The following DNM3 variants were observed in gnomAD, a reference collection of about 807,000 sequenced individuals.
DNM3 encodes dynamin-3.
In DNM3, 47 loss-of-function variants were observed where a neutral mutation model predicts 101.6. The ratio of observed to expected loss-of-function variants is 0.46; its 90% CI spans 0.37 to 0.59. The LOEUF is 0.59. DNM3 is among the 20% of genes least tolerant of loss of function. The pLI is 0.00. For synonymous variants in DNM3, 385 were observed against 387.9 expected (o/e 0.99, Z 0.09); for missense variants, 849 against 1,085.7 (o/e 0.78, Z 3.06).
At chr1:172,162,153 T>C (rs2058568333) in intron 14 of DNM3, among the ~76,000 whole-genome samples, 1 of 152,090 alleles carries the variant, frequency 6.6e-6, no homozygotes, top group South Asian at 2.1e-4. Flanking sequence ...AACATAGGAA[T>C]ATGTGCTATT....
Position 172,038,425 on chromosome 1 carries a change from CAGA to C in DNM3, c.960_962del (p.Glu320del). ...GTAGAAGCCTACAAAAATTTCAAACCAGAAGACCCAACAAGGAAGACCAAAGCA... is the reference window on the plus strand; with the variant it reads ...GTAGAAGCCTACAAAAATTTCAAACCAGACCCAACAAGGAAGACCAAAGCA... On this transcript the variant is annotated inframe_deletion, in exon 7 of 21. Coordinates refer to ENST00000627582, the MANE Select transcript of DNM3 (RefSeq NM_015569.5). 1 of 1,613,290 alleles carries C rather than the reference CAGA, an allele frequency of 6.2e-7. No homozygotes were observed. The highest frequency in any genetic ancestry group is 8.5e-7 in the Non-Finnish European group (1 of 1,179,482).
chr1:172,304,651 A>C (rs1252210847), intron 15 of DNM3, among the ~76,000 whole-genome samples: 1 of 152,164 alleles, frequency 6.6e-6, no homozygotes, highest in Non-Finnish European at 1.5e-5. Context: ...CTCCTCAGCA[A>C]ATGTAAAAGA....
At chr1:172,015,752 G>A (rs1026073493) in intron 4 of DNM3, among the ~76,000 whole-genome samples, 3 of 152,118 alleles carry the variant, frequency 2.0e-5, no homozygotes, top group African/African-American at 7.2e-5. Context: ...AATCTATAAA[G>A]AGTTATTTCA....
At position 172,101,936 on chromosome 1, in the gene DNM3, G is replaced by A. The variant is rs375911369; in HGVS notation, c.1545+9061G>A. 2.4e-3 allele frequency among the ~76,000 whole-genome samples: 359 copies of A among 151,684 alleles called. 2 individuals are homozygous for A. Among genetic ancestry groups the A allele is most frequent in the African/African-American group, 8.1e-3 (334 of 41,298 alleles). On this transcript the variant is annotated intron_variant, in intron 13 of 20. Coordinates refer to ENST00000627582, the MANE Select transcript of DNM3 (RefSeq NM_015569.5). ...TGCAATGGTGTGATATCGGCTCACC[G>A]CAATCTCTGCCTCCCAGGTTCAAGC...
At chr1:172,338,915 G>C (rs2066564960) in intron 17 of DNM3, 59 of 420,378 alleles carry the variant, frequency 1.4e-4, no homozygotes, top group South Asian at 1.0e-3. Context: ...TTGTGCAGGT[G>C]TATAGTTTTA....
At chr1:172,048,801 T>C in intron 10 of DNM3, 51 bp downstream of exon 10, 2 of 1,584,656 alleles carry the variant, frequency 1.3e-6, no homozygotes, top group East Asian at 2.3e-5. Flanking sequence ...TTTATCAACA[T>C]TCCCTATCTC....
At chr1:172,117,206 A>C (rs1272791977) in intron 13 of DNM3, among the ~76,000 whole-genome samples, 3 of 137,706 alleles carry the variant, frequency 2.2e-5, no homozygotes, top group Admixed American at 1.5e-4. Context: ...ACTCCATCTC[A>C]AAAAAAAAAA....
chr1:172,267,744 A>G (rs780615298), intron 15 of DNM3, among the ~76,000 whole-genome samples: 2 of 151,048 alleles, frequency 1.3e-5, no homozygotes, highest in Non-Finnish European at 2.9e-5. Flanking sequence ...ATGGAGTCTC[A>G]CTCTGTCACC....
At chr1:172,130,441 G>A (rs532843110) in intron 13 of DNM3, among the ~76,000 whole-genome samples, 1 of 148,746 alleles carries the variant, frequency 6.7e-6, no homozygotes, top group African/African-American at 2.4e-5. Context: ...AATAATTTCT[G>A]TTAAATCTAT....
At chr1:172,176,060 A>G (rs1015618905) in intron 14 of DNM3, among the ~76,000 whole-genome samples, 3 of 151,822 alleles carry the variant, frequency 2.0e-5, no homozygotes, top group African/African-American at 7.2e-5. Flanking sequence ...GTTATCTTAT[A>G]TGGCAGAAGT....
At chr1:171,850,951 A>G (rs896719698) in intron 1 of DNM3, among the ~76,000 whole-genome samples, 4 of 152,232 alleles carry the variant, frequency 2.6e-5, no homozygotes, top group African/African-American at 9.6e-5. Flanking sequence ...GAGAATTAGG[A>G]GTATTTGTGA....
At chr1:171,856,692 A>G (rs2033648173) in intron 1 of DNM3, among the ~76,000 whole-genome samples, 1 of 152,176 alleles carries the variant, frequency 6.6e-6, no homozygotes, top group Non-Finnish European at 1.5e-5. Flanking sequence ...GTTGGTATAT[A>G]GAAATGATAG....
chr1:171,970,240 A>G (rs151227382), intron 2 of DNM3: 9,606 of 543,860 alleles, frequency 0.018, 121 homozygotes, highest in Admixed American at 0.036. Flanking sequence ...CTGAAGAATA[A>G]TAAAGGTAAG....
intron 20 of DNM3, among the ~76,000 whole-genome samples, chr1:172,400,207 C>T (rs9425596): frequency 0.38 from 57,376 of 151,948 alleles, 12,803 homozygotes; most frequent in East Asian, 0.54. Context: ...TAGTTCTCAG[C>T]ACCTCCTTTC....
intron 16 of DNM3, among the ~76,000 whole-genome samples, chr1:172,315,863 G>A (rs557597269): frequency 0.012 from 1,852 of 152,128 alleles, 14 homozygotes; most frequent in African/African-American, 0.018. Context: ...GCAGGCCAAC[G>A]TTCAGATTCA....
At chr1:172,049,740 A>G (rs2050074003) in intron 10 of DNM3, among the ~76,000 whole-genome samples, 1 of 152,134 alleles carries the variant, frequency 6.6e-6, no homozygotes, top group African/African-American at 2.4e-5. Flanking sequence ...CCCTTTATAG[A>G]TGGTTACTAG....
At chr1:172,026,502 C>G (rs559146256) in intron 4 of DNM3, among the ~76,000 whole-genome samples, 1 of 152,048 alleles carries the variant, frequency 6.6e-6, no homozygotes, top group Non-Finnish European at 1.5e-5. Flanking sequence ...AGACACATAA[C>G]CGTCAGACTC....
chr1:172,134,886 G>C (rs898830995), intron 14 of DNM3, among the ~76,000 whole-genome samples: 2 of 152,078 alleles, frequency 1.3e-5, no homozygotes, highest in Admixed American at 6.6e-5. Flanking sequence ...AGTGTGACTG[G>C]AGCAAAAAGA....
chr1:172,294,911 C>CAA (rs57685535), intron 15 of DNM3, among the ~76,000 whole-genome samples: 55 of 86,978 alleles, frequency 6.3e-4, no homozygotes, highest in African/African-American at 1.5e-3. Flanking sequence ...GACTTTGTCT[C>CAA]AAAAAAAAAA....
Sources: gnomAD v4.1 joint callset for allele counts (sites outside exome capture counted in the v4.1 genomes callset) on GRCh38, gnomAD v4.1.1 for gene constraint, MANE v1.5 for transcripts, NCBI Gene and HGNC (gene_info 2026-07-23, HGNC 2026-07-21) for gene names.